SOD2: variants seen among roughly 807,000 people sequenced by gnomAD.
The protein encoded by SOD2 is superoxide dismutase [Mn], mitochondrial.
SOD2 carries 11 observed loss-of-function variants against 27.0 expected under a neutral mutation model. That is an observed-to-expected ratio of 0.41 (90% CI 0.26 to 0.67). The LOEUF (loss-of-function observed/expected upper bound fraction) is 0.67, where lower values mean the gene tolerates loss of function less well. SOD2 is among the 30% of genes least tolerant of loss of function. The pLI is 0.34. For synonymous variants in SOD2, 105 were observed against 103.0 expected (o/e 1.02, Z -0.12); for missense variants, 250 against 274.5 (o/e 0.91, Z 0.63).
intron 3 of SOD2, among the ~76,000 whole-genome samples, chr6:159,686,410 G>C (rs9282857): frequency 5.3e-5 from 8 of 152,146 alleles, no homozygotes; most frequent in Admixed American, 1.3e-4. Flanking sequence ...ACTTTGGGAG[G>C]CCGAGACAGG....
chr6:159,702,678 AAG>A lies in SOD2; in HGVS notation c.-115-9817_-115-9816del, dbSNP rs1491527488. 2.0e-3 allele frequency among the ~76,000 whole-genome samples: 290 copies of A among 144,416 alleles called. 1 individual carries two copies. Among genetic ancestry groups the A allele is most frequent in the African/African-American group, 7.4e-3 (280 of 37,926 alleles). The allele number at this position is 144,416 out of a possible 152,430, so 94.7% of individuals were successfully genotyped here. On this transcript the variant is annotated intron_variant, in intron 1 of 2. Transcript: ENST00000401980. ...CCAAAAAAAAAAAAAAAAAAAAAAA[AAG>A]AAAGAAAGAAAGAAAGAAAAAAAAG...
rs1777274615 is a variant in SOD2, at chr6:159,692,681, T to C, written c.206A>G (p.Tyr69Cys). 2 of 1,613,914 alleles carry C rather than the reference T, an allele frequency of 1.2e-6. No homozygotes were observed. The highest frequency in any genetic ancestry group is 1.7e-6 in the Non-Finnish European group (2 of 1,180,014). Residue 69 changes from tyrosine (Y) to cysteine (C), a missense_variant, in exon 2 of 5, where the codon TAC (tyrosine) becomes TGC (cysteine). Physicochemically the swap from Tyr to Cys is radical, Grantham distance 194. Transcript: ENST00000538183. ...CCTACCCTTGGCCAACGCCTCCTGGTACTTCTCCTCGGTGACGTTCAGGTT... is the reference window on the plus strand; with the variant it reads ...CCTACCCTTGGCCAACGCCTCCTGGCACTTCTCCTCGGTGACGTTCAGGTT... ...VNNLNVTEEK[Y>C]QEALAKGDVT...
chr6:159,744,028 A>G (rs144423991), intron 1 of SOD2, among the ~76,000 whole-genome samples: 1 of 152,190 alleles, frequency 6.6e-6, no homozygotes, highest in African/African-American at 2.4e-5. Context: ...CATGCCTTAT[A>G]AGTATTAGTT....
intron 1 of SOD2, among the ~76,000 whole-genome samples, chr6:159,739,476 G>A (rs1423700932): frequency 6.6e-6 from 1 of 152,158 alleles, no homozygotes; most frequent in East Asian, 1.9e-4. Context: ...TTAAGTTATT[G>A]TTAAAGGTGA....
chr6:159,724,778 G>A (rs1778107759), intron 1 of SOD2, among the ~76,000 whole-genome samples: 1 of 151,726 alleles, frequency 6.6e-6, no homozygotes, highest in Admixed American at 6.6e-5. Context: ...CTTGAGCCCA[G>A]GAAGTCAAGG....
chr6:159,745,858 A>G (rs763561), upstream of SOD2, among the ~76,000 whole-genome samples: 910 of 152,314 alleles, frequency 6.0e-3, 3 homozygotes, highest in Non-Finnish European at 8.9e-3. Flanking sequence ...ACAGGACAGA[A>G]TAGGTGTTTT....
intron 1 of SOD2, among the ~76,000 whole-genome samples, chr6:159,715,661 A>T (rs1777910976): frequency 6.6e-6 from 1 of 152,204 alleles, no homozygotes; most frequent in South Asian, 2.1e-4. Context: ...ACACTTTGGG[A>T]GGTCAAGGTG....
chr6:159,719,733 T>TTTA lies in SOD2; in HGVS notation c.-116+7395_-116+7396insTAA, dbSNP rs917380750. 7.3e-5 allele frequency among the ~76,000 whole-genome samples: 11 copies of TTTA among 149,756 alleles called. No individual in the cohort carries two copies. In the South Asian group the frequency reaches 1.0e-3, roughly 14 times the overall value. The stretch of plus-strand genomic sequence containing the variant: ...ATTATGGTTTTTTCTTTTATTTTCT[T>TTTA]TTTTTTTTTTGAGAGAGTCTTATTC... On this transcript the variant is annotated intron_variant, in intron 1 of 2. Transcript: ENST00000401980.
At chr6:159,710,611 T>A (rs529105701) in intron 1 of SOD2, among the ~76,000 whole-genome samples, 3 of 152,222 alleles carry the variant, frequency 2.0e-5, no homozygotes, top group Admixed American at 1.3e-4. Flanking sequence ...TCTTTAGTGC[T>A]CCTTCTCTAC....
upstream of SOD2, among the ~76,000 whole-genome samples, chr6:159,728,283 G>A (rs1186373778): frequency 6.6e-6 from 1 of 151,564 alleles, no homozygotes; most frequent in Non-Finnish European, 1.5e-5. Flanking sequence ...TTTTTTCACC[G>A]TTTTTCATAA....
rs139959492 is a variant in SOD2, at chr6:159,742,845, C to T, written c.-116+2285G>A. On this transcript the variant is annotated intron_variant, in intron 1 of 3. Transcript: ENST00000537657. ...CCAAGGTGGGAAGATCACTTGAGCCCAGGAGTTTGAGACCAGCATAGGCAA... is the reference window on the plus strand; with the variant it reads ...CCAAGGTGGGAAGATCACTTGAGCCTAGGAGTTTGAGACCAGCATAGGCAA... Among the ~76,000 whole-genome samples, 948 of 151,356 alleles carry T rather than the reference C, an allele frequency of 6.3e-3. 10 individuals are homozygous for T. Among genetic ancestry groups the T allele is most frequent in the African/African-American group, 0.022 (914 of 41,216 alleles).
chr6:159,712,484 AGCTGCTCTGACCT>A (rs1777833082), intron 1 of SOD2, among the ~76,000 whole-genome samples: 2 of 37,820 alleles, frequency 5.3e-5, no homozygotes, highest in Admixed American at 3.4e-4. Flanking sequence ...ACCACCACTC[AGCTGCTCTGACCT>A]CCATAACCAC....
At chr6:159,745,446 T>G (rs1303495784), upstream of SOD2, among the ~76,000 whole-genome samples, 1 of 152,152 alleles carries the variant, frequency 6.6e-6, no homozygotes, top group African/African-American at 2.4e-5. Flanking sequence ...GCTTTTTTTT[T>G]TTTTTAAAAC....
chr6:159,706,067 TGAGA>T (rs554218675), intron 1 of SOD2, among the ~76,000 whole-genome samples: 4,725 of 152,236 alleles, frequency 0.031, 104 homozygotes, highest in South Asian at 0.067. Flanking sequence ...AAGCAAATGC[TGAGA>T]GATTTTGTCA....
At chr6:159,733,644 C>G (rs1778726579) in intron 1 of SOD2, among the ~76,000 whole-genome samples, 1 of 151,600 alleles carries the variant, frequency 6.6e-6, no homozygotes, top group Admixed American at 6.6e-5. Flanking sequence ...GCCCAGCACG[C>G]TGGCTCATGC....
rs1427307089 is a variant in SOD2, at chr6:159,692,748, T to C, written c.139A>G (p.Met47Val). 4 of 1,614,036 alleles carry C rather than the reference T, an allele frequency of 2.5e-6. No homozygotes were observed. Among genetic ancestry groups the C allele is most frequent in the Non-Finnish European group, 3.4e-6 (4 of 1,180,022 alleles). ...TGGTGCTTGCTGTGGTGCAGCTGCA[T>C]GATCTGCGCGTTGATGTGAGGTTCC... ...ALEPHINAQI[M>V]QLHHSKHHAA... Residue 47 changes from methionine (M) to valine (V), a missense_variant, in exon 2 of 5, where the codon ATG (methionine) becomes GTG (valine). By Grantham distance (21) the Met-to-Val change is conservative. Transcript: ENST00000538183.
chr6:159,759,718 CTCTG>C (rs988412601), intron 1 of SOD2, among the ~76,000 whole-genome samples: 14 of 151,976 alleles, frequency 9.2e-5, no homozygotes, highest in African/African-American at 2.4e-4. Context: ...TATTCTTAGT[CTCTG>C]TCTGTCTCAT....
rs550048157 is a variant in SOD2 at position 159,732,692 on chromosome 6, C to T, written c.-116+12438G>A. 2.0e-5 allele frequency among the ~76,000 whole-genome samples: 3 copies of T among 152,156 alleles called. No individual in the cohort carries two copies. In the East Asian group the frequency reaches 5.8e-4, roughly 29 times the overall value. ...TACAAAAATTAGCCGGGCGTGGTGGCAGGCACCTGTAATCTCAGCTACTCT... is the reference window on the plus strand; with the variant it reads ...TACAAAAATTAGCCGGGCGTGGTGGTAGGCACCTGTAATCTCAGCTACTCT... On this transcript the variant is annotated intron_variant, in intron 1 of 3. Coordinates refer to the SOD2 transcript ENST00000537657.
upstream of SOD2, among the ~76,000 whole-genome samples, chr6:159,749,894 G>A (rs1274505974): frequency 6.6e-6 from 1 of 152,032 alleles, no homozygotes; most frequent in African/African-American, 2.4e-5. Context: ...TCAAATTTTC[G>A]CTTGGTGATA....
Sources: gnomAD v4.1 joint callset for allele counts (sites outside exome capture counted in the v4.1 genomes callset) on GRCh38, gnomAD v4.1.1 for gene constraint, MANE v1.5 for transcripts, NCBI Gene and HGNC (gene_info 2026-07-23, HGNC 2026-07-21) for gene names.